Variants in FCHO1 observed in about 807,000 individuals in gnomAD.
The protein encoded by FCHO1 is FCH and mu domain containing endocytic adaptor 1.
Under a neutral mutation model 114.4 loss-of-function variants are expected in FCHO1, and 45 were observed. The observed-to-expected ratio is 0.39, with a 90% CI of 0.31 to 0.50. The LOEUF (loss-of-function observed/expected upper bound fraction) is 0.50. Among genes scored for constraint, FCHO1 ranks in the 20% least tolerant of loss-of-function variants. FCHO1 has a pLI of 0.77. For synonymous variants in FCHO1, 480 were observed against 488.9 expected (o/e 0.98, Z 0.24); for missense variants, 1,042 against 1,209.6 (o/e 0.86, Z 2.06).
rs112313970 is a variant in FCHO1 at position 17,756,243 on chromosome 19, C to G, written c.27+1052C>G. 1.3e-3 allele frequency among the ~76,000 whole-genome samples: 195 copies of G among 152,328 alleles called. 1 individual carries two copies. The highest frequency in any genetic ancestry group is 4.2e-3 in the African/African-American group (175 of 41,578). ...CAGGGGTGTGACCTCCGCCCTCTCT[C>G]CAAAGGTCAGACTCCCCGATTTGCC... On this transcript the variant is annotated intron_variant, in intron 4 of 28. Coordinates refer to ENST00000596536, the MANE Select transcript of FCHO1 (RefSeq NM_015122.3).
intron 6 of FCHO1, 69 bp from the exon 7 acceptor site, chr19:17,766,600 C>A: frequency 4.4e-6 from 7 of 1,595,018 alleles, no homozygotes. Flanking sequence ...CATACCTGAG[C>A]CAGTGCCAGC....
intron 7 of FCHO1, among the ~76,000 whole-genome samples, chr19:17,769,990 C>A (rs1481984650): frequency 6.6e-6 from 1 of 151,030 alleles, no homozygotes; most frequent in East Asian, 1.9e-4. Context: ...ATAGCAAGAC[C>A]CCATTGCTAT....
chr19:17,782,493 T>G (rs1381362603), intron 23 of FCHO1, among the ~76,000 whole-genome samples: 1 of 152,168 alleles, frequency 6.6e-6, no homozygotes, highest in Non-Finnish European at 1.5e-5. Context: ...CATGAGCCAC[T>G]GTGCCCAGCC....
chr19:17,766,094 T>C (rs1007003629), intron 6 of FCHO1, among the ~76,000 whole-genome samples: 3 of 151,536 alleles, frequency 2.0e-5, no homozygotes, highest in African/African-American at 7.3e-5. Flanking sequence ...TTCACCATGT[T>C]AGCCAGGATG....
Position 17,783,086 on chromosome 19 carries a change from G to T in FCHO1, c.2007G>T (p.Gly669=), listed in dbSNP as rs1164955581. Residue 669 remains glycine, a synonymous_variant, in exon 24 of 29, where the codon GGG becomes GGT. Coordinates refer to ENST00000596536, the MANE Select transcript of FCHO1 (RefSeq NM_015122.3). The part of the protein sequence containing the change: ...FPAGIVRVFS[G]TPPPPVLSFR... ...CTGGCATCGTGCGTGTGTTCAGCGG[G>T]ACCCCACCACCACCTGTCCTCAGCT... 3 of 1,613,960 alleles carry T rather than the reference G, an allele frequency of 1.9e-6. No individual in the cohort carries two copies. In the Admixed American group the frequency reaches 5.0e-5, roughly 27 times the overall value.
At chr19:17,768,651 G>T (rs1006561950) in intron 7 of FCHO1, among the ~76,000 whole-genome samples, 2 of 148,820 alleles carry the variant, frequency 1.3e-5, no homozygotes, top group African/African-American at 2.5e-5. Flanking sequence ...TTGAGATCGC[G>T]ACACACCACT....
At position 17,770,502 on chromosome 19, in the gene FCHO1, C is replaced by T. The variant is rs192634000; in HGVS notation, c.414C>T (p.Arg138=). ...TCAGCCAGCTCCTGCCCAAGTCCCG[C>T]GAGAACTACCTGAACCGTTGCATGG... is the stretch of plus-strand genomic sequence containing the variant. ...SGVSQLLPKS[R]ENYLNRCMDQ... The change falls in exon 8 of 29, where the codon CGC becomes CGT. Residue 138 remains arginine, a synonymous_variant. Coordinates refer to ENST00000596536, the MANE Select transcript of FCHO1 (RefSeq NM_015122.3). The T allele has an allele frequency of 1.2e-4, 198 of 1,613,954 alleles. 2 individuals are homozygous for T. In the East Asian group the frequency reaches 2.4e-3, roughly 19 times the overall value.
At position 17,784,228 on chromosome 19, in the gene FCHO1, G is replaced by C; in HGVS notation, c.2219G>C (p.Arg740Pro). 1.2e-6 allele frequency: 2 copies of C among 1,605,586 alleles called. No individual in the cohort carries two copies. The highest frequency in any genetic ancestry group is 1.7e-6 in the Non-Finnish European group (2 of 1,176,174). The change falls in exon 25 of 29, where the codon CGA becomes CCA. Residue 740 changes from arginine (R) to proline (P), a missense_variant. Around this residue, in one of 3 missense-constraint regions of FCHO1, gnomAD observed 455 missense variants for 455.4 expected, o/e 1.00. Transcript: ENST00000596536. This position sits in a 1 kb window ranked among gnomAD's most constrained non-coding sequence, Gnocchi z 5.3. ...TASYYNVVLLRYQFSRPGPQS... is the reference protein window; with the variant it reads ...TASYYNVVLLPYQFSRPGPQS... ...TCCTACTACAACGTGGTGCTGCTGC[G>C]ATACCAGGTGCGCCACCCGCATGGG... is the stretch of plus-strand genomic sequence containing the variant.
chr19:17,784,322 GC>G lies in FCHO1; in HGVS notation c.2226+89del. The G allele has an allele frequency of 6.7e-7, 1 of 1,487,332 alleles. No homozygotes were observed. Among genetic ancestry groups the G allele is most frequent in the Non-Finnish European group, 9.0e-7 (1 of 1,105,282 alleles). The allele number at this position is 1,487,332 out of a possible 1,614,324, so 92.1% of individuals were successfully genotyped here. On this transcript the variant is annotated intron_variant, in intron 25 of 28. Coordinates refer to ENST00000596536, the MANE Select transcript of FCHO1 (RefSeq NM_015122.3). This position sits in a 1 kb window ranked among gnomAD's most constrained non-coding sequence, Gnocchi z 5.3. ...CAGACATGGAGGCGCCTGCGTGTTG[GC>G]CAGGCTGGTCTCGAATTCCTGACCT... is the stretch of plus-strand genomic sequence containing the variant.
intron 6 of FCHO1, 115 bp from the exon 7 acceptor site, chr19:17,766,554 T>G (rs2089250812): frequency 5.3e-6 from 7 of 1,311,068 alleles, no homozygotes; most frequent in Non-Finnish European, 7.4e-6. Flanking sequence ...TATGAATTAG[T>G]ATTCATTCAT....
In FCHO1 at chr19:17,774,334, G is replaced by A. The variant is rs529395987; in HGVS notation, c.835+51G>A. 4 of 1,613,094 alleles carry A rather than the reference G, an allele frequency of 2.5e-6. No homozygotes were observed. The Admixed American group carries it at 5.0e-5, about 20-fold the overall frequency. On this transcript the variant is annotated intron_variant, in intron 12 of 28. Transcript: ENST00000596536. Reference sequence around the variant, plus strand: ...CAGGCTGGACCATGGGGGTGAGGGAGGCTGATCTGAATGTGAAAGGAGGCT... The same window carrying A: ...CAGGCTGGACCATGGGGGTGAGGGAAGCTGATCTGAATGTGAAAGGAGGCT...
At position 17,756,733 on chromosome 19, in the gene FCHO1, G is replaced by A. The variant is rs181068927; in HGVS notation, c.27+1542G>A. Reference sequence around the variant, plus strand: ...GTCATCAGTTGCTAGTATTGAAGCCGCCATAGAAGCCTGGTTCTTTGCTGG... The same window carrying A: ...GTCATCAGTTGCTAGTATTGAAGCCACCATAGAAGCCTGGTTCTTTGCTGG... On this transcript the variant is annotated intron_variant, in intron 4 of 28. Coordinates refer to ENST00000596536, the MANE Select transcript of FCHO1 (RefSeq NM_015122.3). Among the ~76,000 whole-genome samples, 124 of 152,306 alleles carry A rather than the reference G, an allele frequency of 8.1e-4. 3 individuals carry two copies. The South Asian group carries it at 0.021, about 26-fold the overall frequency.
chr19:17,786,361 AACACAC>A (rs4007691), intron 26 of FCHO1, among the ~76,000 whole-genome samples: 19 of 149,000 alleles, frequency 1.3e-4, no homozygotes, highest in Non-Finnish European at 2.4e-4. Context: ...ACACAAAACA[AACACAC>A]ACACACACAC....
chr19:17,781,962 G>A (rs1460856673), intron 23 of FCHO1, 142 bp downstream of exon 23: 2 of 508,060 alleles, frequency 3.9e-6, no homozygotes, highest in Non-Finnish European at 6.8e-6. Flanking sequence ...CCCCTGTCCT[G>A]AGGGCAGTGG....
chr19:17,759,493 G>A lies in FCHO1; in HGVS notation c.28-3269G>A, dbSNP rs2085213457. 2.6e-5 allele frequency among the ~76,000 whole-genome samples: 4 copies of A among 151,846 alleles called. No homozygotes were observed. The South Asian group carries it at 8.3e-4, about 32-fold the overall frequency. On this transcript the variant is annotated intron_variant, in intron 4 of 28. Transcript: ENST00000596536. ...CCGCCTCAGCCTCCTGAAGTGCTGG[G>A]ATTACACGCATGAGACACCACACCC...
intron 4 of FCHO1, among the ~76,000 whole-genome samples, chr19:17,760,063 G>A (rs1299494005): frequency 1.3e-4 from 13 of 100,708 alleles, no homozygotes; most frequent in African/African-American, 4.7e-4. Context: ...TTTTTTTTTT[G>A]CATTGGGGGA....
At chr19:17,774,331 G>A (rs1055437120) in intron 12 of FCHO1, 48 bp downstream of exon 12, 9 of 1,613,192 alleles carry the variant, frequency 5.6e-6, no homozygotes, top group Middle Eastern at 1.6e-4. Flanking sequence ...TGGGGGTGAG[G>A]GAGGCTGATC....
rs2092702693 is a variant in FCHO1, at chr19:17,776,913, T to G, written c.1259+227T>G. ...CCTGAGTTCAAGCGATTTTCATGCC[T>G]CAGCCTCCTAAGTAGCTGAGATTAC... On this transcript the variant is annotated intron_variant, in intron 18 of 28. Transcript: ENST00000596536. The surrounding 1 kb of genome is among the most constrained non-coding windows in gnomAD (Gnocchi z 4.4). Among the ~76,000 whole-genome samples, 1 of 152,070 alleles carries G rather than the reference T, an allele frequency of 6.6e-6. No individual in the cohort carries two copies. The highest frequency in any genetic ancestry group is 1.5e-5 in the Non-Finnish European group (1 of 68,010).
intron 7 of FCHO1, among the ~76,000 whole-genome samples, chr19:17,768,082 T>TGTTTC (rs1399466507): frequency 1.3e-5 from 2 of 151,910 alleles, no homozygotes; most frequent in Admixed American, 6.6e-5. Flanking sequence ...TGTTTTGTTT[T>TGTTTC]TTTGAGATGG....
Sources: allele counts gnomAD v4.1 joint callset (sites outside exome capture counted in the v4.1 genomes callset), GRCh38; gene constraint gnomAD v4.1.1; regional missense constraint gnomAD v4.1.1; non-coding constraint Gnocchi (gnomAD v3.1); transcripts MANE v1.5; gene names NCBI Gene and HGNC (gene_info 2026-07-23, HGNC 2026-07-21).